Variants in DLG1 observed in about 807,000 individuals in gnomAD.
DLG1 encodes discs large MAGUK scaffold protein 1, also known as disks large homolog 1.
A neutral mutation model predicts 123.4 loss-of-function variants in DLG1; 42 were observed. That is an observed-to-expected ratio of 0.34 (90% CI 0.27 to 0.44). DLG1 has a LOEUF of 0.44. Ranked by LOEUF, DLG1 falls within the 20% of genes least tolerant of loss-of-function variation. DLG1 has a pLI of 1.00. For missense variants in DLG1, 942 were observed against 1,082.6 expected (o/e 0.87, Z 1.82); for synonymous variants, 317 against 356.2 (o/e 0.89, Z 1.24).
intron 3 of DLG1, 88 bp downstream of exon 3, chr3:197,296,258 G>A: frequency 7.7e-7 from 1 of 1,294,124 alleles, no homozygotes. Context: ...AGAGAATTAA[G>A]TACATCATTT....
chr3:197,231,955 T>C (rs1410846559), intron 4 of DLG1, among the ~76,000 whole-genome samples: 5 of 92,504 alleles, frequency 5.4e-5, no homozygotes, highest in African/African-American at 2.1e-4. Flanking sequence ...ATTTCAATAA[T>C]GGGGCAAACC....
intron 23 of DLG1, among the ~76,000 whole-genome samples, chr3:197,052,323 C>CGG (rs1728409637): frequency 6.6e-6 from 1 of 151,942 alleles, no homozygotes; most frequent in Non-Finnish European, 1.5e-5. Context: ...GGTGTGGTGG[C>CGG]GCATGCCTGT....
At chr3:197,260,945 C>G (rs555204528) in intron 4 of DLG1, among the ~76,000 whole-genome samples, 1 of 151,960 alleles carries the variant, frequency 6.6e-6, no homozygotes, top group Non-Finnish European at 1.5e-5. Flanking sequence ...AAAATATTAT[C>G]TCTAAAACTT....
intron 4 of DLG1, among the ~76,000 whole-genome samples, chr3:197,273,564 T>C (rs908160449): frequency 1.3e-5 from 2 of 151,930 alleles, no homozygotes; most frequent in South Asian, 2.1e-4. Context: ...CTCTACTGCC[T>C]CCTAAAACTC....
At chr3:197,071,695 A>C (rs903595689) in intron 18 of DLG1, among the ~76,000 whole-genome samples, 1 of 152,244 alleles carries the variant, frequency 6.6e-6, no homozygotes, top group Admixed American at 6.5e-5. Flanking sequence ...AAAGTGTTCA[A>C]GTTAATTACT....
chr3:197,044,763 T>G (rs1436114230), intron 24 of DLG1, 34 bp from the exon 25 acceptor site: 1 of 1,339,582 alleles, frequency 7.5e-7, no homozygotes, highest in East Asian at 2.5e-5. Flanking sequence ...GAAATCTCCA[T>G]TAATTGTCTA....
At chr3:197,292,086 C>G (rs1197609415) in intron 3 of DLG1, among the ~76,000 whole-genome samples, 1 of 152,112 alleles carries the variant, frequency 6.6e-6, no homozygotes, top group Non-Finnish European at 1.5e-5. Flanking sequence ...AAAAATGTAA[C>G]TGCCGTATGA....
In DLG1 at chr3:197,172,344, T is replaced by TTATACTATA. The variant is rs1017932748; in HGVS notation, c.483+22072_483+22080dup. On this transcript the variant is annotated intron_variant, in intron 5 of 24. Coordinates refer to ENST00000667157, the MANE Select transcript of DLG1 (RefSeq NM_001366207.1). ...ACTATTTTACTGGTTTGTATATTTA[T>TTATACTATA]TATACTATACTTTTTATCTTCTGTA... Among the ~76,000 whole-genome samples, 9 of 152,184 alleles carry TTATACTATA rather than the reference T, an allele frequency of 5.9e-5. No individual in the cohort carries two copies. The South Asian group carries it at 1.9e-3, about 32-fold the overall frequency.
chr3:197,227,318 C>CA lies in DLG1; in HGVS notation c.319-32730dup, dbSNP rs1468397168. On this transcript the variant is annotated intron_variant, in intron 4 of 24. Transcript: ENST00000667157. The stretch of plus-strand genomic sequence containing the variant: ...TGAAACCCTGTCTCTAGTAAAAACA[C>CA]AAAAAAATTAGCCAGGCGTGGTGGT... Among the ~76,000 whole-genome samples the CA allele has an allele frequency of 1.4e-4, 21 of 151,834 alleles. No homozygotes were observed. In the East Asian group the frequency reaches 3.9e-3, roughly 28 times the overall value.
At chr3:197,090,304 A>C (rs12638001) in intron 15 of DLG1, among the ~76,000 whole-genome samples, 37,552 of 108,412 alleles carry the variant, frequency 0.35, 5,697 homozygotes, top group East Asian at 0.72. Flanking sequence ...AAGCCAACGA[A>C]ATGAAAAAAA....
At chr3:197,186,464 G>A (rs1460167815) in intron 5 of DLG1, among the ~76,000 whole-genome samples, 3 of 152,068 alleles carry the variant, frequency 2.0e-5, no homozygotes, top group Non-Finnish European at 4.4e-5. Flanking sequence ...TCCGTAATGT[G>A]TTTTCTTTTT....
chr3:197,178,403 T>C (rs529412742), intron 5 of DLG1, among the ~76,000 whole-genome samples: 9 of 152,200 alleles, frequency 5.9e-5, no homozygotes, highest in Non-Finnish European at 1.3e-4. Flanking sequence ...AATGGCATAC[T>C]GAATAAAGAA....
intron 7 of DLG1, among the ~76,000 whole-genome samples, chr3:197,140,621 A>AC (rs575771823): frequency 5.8e-4 from 89 of 152,364 alleles, no homozygotes; most frequent in African/African-American, 1.8e-3. Flanking sequence ...TTGGTAGGGC[A>AC]CATCTCTCCT....
At chr3:197,068,118 T>C (rs566123988) in intron 19 of DLG1, among the ~76,000 whole-genome samples, 1 of 152,360 alleles carries the variant, frequency 6.6e-6, no homozygotes, top group East Asian at 1.9e-4. Flanking sequence ...TTTAGAAGTA[T>C]TTCTTTGTTT....
At chr3:197,152,419 CTTTTTTTTTTTTT>C (rs768327685) in intron 5 of DLG1, among the ~76,000 whole-genome samples, 2 of 94,700 alleles carry the variant, frequency 2.1e-5, no homozygotes, top group Non-Finnish European at 4.0e-5. Context: ...ATCCCAAAGT[CTTTTTTTTTTTTT>C]TTTTTTTTGA....
intron 1 of DLG1, chr3:197,298,127 C>A (rs1450074785): frequency 4.9e-6 from 1 of 204,770 alleles, no homozygotes; most frequent in Non-Finnish European, 9.0e-6. Flanking sequence ...AGATGGCGGC[C>A]CCCGAGCTGG....
At chr3:197,244,606 T>G (rs1272216998) in intron 4 of DLG1, among the ~76,000 whole-genome samples, 2 of 152,066 alleles carry the variant, frequency 1.3e-5, no homozygotes, top group Non-Finnish European at 2.9e-5. Flanking sequence ...TTTTTTTTTT[T>G]TATCTTTAGC....
intron 18 of DLG1, among the ~76,000 whole-genome samples, chr3:197,072,853 T>C (rs1744918206): frequency 6.6e-6 from 1 of 152,136 alleles, no homozygotes; most frequent in Admixed American, 6.5e-5. Flanking sequence ...TGCACCACCA[T>C]GCCTTGCTAA....
chr3:197,280,091 TCTAA>T (rs983800072), intron 4 of DLG1, among the ~76,000 whole-genome samples: 3 of 152,144 alleles, frequency 2.0e-5, no homozygotes, highest in African/African-American at 7.2e-5. Context: ...ATGTATTCCT[TCTAA>T]CTATTTTTGA....
Sources: allele counts gnomAD v4.1 joint callset (sites outside exome capture counted in the v4.1 genomes callset), GRCh38; gene constraint gnomAD v4.1.1; transcripts MANE v1.5; gene names NCBI Gene and HGNC (gene_info 2026-07-23, HGNC 2026-07-21).